The following IGSF6 variants were observed in gnomAD, a reference collection of about 807,000 sequenced individuals.
IGSF6 encodes the protein down-regulated by activation (immunoglobulin superfamily).
A neutral mutation model predicts 24.7 loss-of-function variants in IGSF6; 23 were observed. The observed-to-expected ratio is 0.93, with a 90% CI of 0.67 to 1.32. The LOEUF (loss-of-function observed/expected upper bound fraction) is 1.32, where lower values mean the gene tolerates loss of function less well. Ranked by LOEUF, IGSF6 falls within the 40% of genes most tolerant of loss-of-function variation. The pLI, the probability that IGSF6 is intolerant of heterozygous loss-of-function variation, is 0.00. For synonymous variants in IGSF6, 110 were observed against 113.7 expected (o/e 0.97, Z 0.21); for missense variants, 295 against 293.6 (o/e 1.00, Z -0.04).
intron 1 of IGSF6, among the ~76,000 whole-genome samples, chr16:21,651,154 C>T (rs1393074059): frequency 4.6e-5 from 7 of 151,988 alleles, no homozygotes; most frequent in African/African-American, 1.4e-4. Flanking sequence ...ACCCGGGAGG[C>T]GGAGCTTGCA....
Position 21,643,989 on chromosome 16 carries a change from A to G in IGSF6, c.534+301T>C, listed in dbSNP as rs192477990. Among the ~76,000 whole-genome samples the G allele has an allele frequency of 2.7e-3, 406 of 152,202 alleles. 3 individuals are homozygous for G. The highest frequency in any genetic ancestry group is 4.3e-3 in the Non-Finnish European group (293 of 68,008). On this transcript the variant is annotated intron_variant, in intron 3 of 5. Transcript: ENST00000268389. ...GTAATATCTCGCCCTCCACCTGCCCACACCTCACCCCTACAGCAGAAAGAT... is the reference window on the plus strand; with the variant it reads ...GTAATATCTCGCCCTCCACCTGCCCGCACCTCACCCCTACAGCAGAAAGAT...
chr16:21,644,405 C>CA lies in IGSF6; in HGVS notation c.428-10dup, dbSNP rs1276256184. The CA allele has an allele frequency of 1.9e-6, 3 of 1,587,046 alleles. No individual in the cohort carries two copies. Among genetic ancestry groups the CA allele is most frequent in the Non-Finnish European group, 1.7e-6 (2 of 1,155,970 alleles). On this transcript the variant is annotated splice_polypyrimidine_tract_variant and intron_variant, in intron 2 of 5. Coordinates refer to ENST00000268389, the MANE Select transcript of IGSF6 (RefSeq NM_005849.4). ...GCTGAGCAGCTTAATTTCTTAATGA[C>CA]AAAAACAGAAAGAAGCACATTGACT...
Position 21,647,566 on chromosome 16 carries a change from AG to A in IGSF6, c.68-75del, listed in dbSNP as rs888573688. On this transcript the variant is annotated intron_variant, in intron 1 of 5. Coordinates refer to ENST00000268389, the MANE Select transcript of IGSF6 (RefSeq NM_005849.4). ...TGTGCTTTTATTATATTTTTGAGGT[AG>A]GAAACCCAGCCATTCTGTTATTTTT... 3.3e-6 allele frequency: 5 copies of A among 1,512,630 alleles called. No individual in the cohort carries two copies. The African/African-American group carries it at 4.2e-5, about 13-fold the overall frequency. The allele number at this position is 1,512,630 out of a possible 1,614,324, so 93.7% of individuals were successfully genotyped here.
chr16:21,651,121 G>A (rs1003762079), intron 1 of IGSF6, among the ~76,000 whole-genome samples: 5 of 152,134 alleles, frequency 3.3e-5, no homozygotes, highest in African/African-American at 1.2e-4. Context: ...TACTCGGGAG[G>A]CTGAGGCAGG....
rs1210455639 is a variant in IGSF6 at position 21,647,381 on chromosome 16, G to A, written c.179C>T (p.Ser60Phe). The A allele has an allele frequency of 6.2e-7, 1 of 1,614,174 alleles. No homozygotes were observed. The highest frequency in any genetic ancestry group is 8.5e-7 in the Non-Finnish European group (1 of 1,180,036). ...AAACCACAGGCATGTTGGTTGCTCA[G>A]AAGGGCATCCGGTTGCGGAGAAGGT... is the stretch of plus-strand genomic sequence containing the variant. ...KCTFSATGCPSEQPTCLWFRY... is the reference protein window; with the variant it reads ...KCTFSATGCPFEQPTCLWFRY... The change falls in exon 2 of 6, where the codon TCT (serine) becomes TTT (phenylalanine). Residue 60 changes from serine (S) to phenylalanine (F), a missense_variant. Ser to Phe is a radical substitution (Grantham distance 155, BLOSUM62 -2). Coordinates refer to ENST00000268389, the MANE Select transcript of IGSF6 (RefSeq NM_005849.4).
chr16:21,646,580 A>G (rs907318027), intron 2 of IGSF6: 2 of 187,456 alleles, frequency 1.1e-5, no homozygotes, highest in African/African-American at 4.7e-5. Flanking sequence ...TTGGTTAAAC[A>G]TCACCATGTA....
At chr16:21,651,648 C>T (rs1252375678) in intron 1 of IGSF6, among the ~76,000 whole-genome samples, 2 of 152,118 alleles carry the variant, frequency 1.3e-5, no homozygotes, top group Non-Finnish European at 2.9e-5. Flanking sequence ...ATCAAAGTAG[C>T]GAAGTAGTAC....
chr16:21,645,375 C>T (rs1005990469), intron 2 of IGSF6, among the ~76,000 whole-genome samples: 1 of 152,148 alleles, frequency 6.6e-6, no homozygotes, highest in African/African-American at 2.4e-5. Flanking sequence ...ATCGCTTGAA[C>T]CCGGAAGGTG....
chr16:21,650,959 C>T (rs544397693), intron 1 of IGSF6, among the ~76,000 whole-genome samples: 25 of 152,324 alleles, frequency 1.6e-4, no homozygotes, highest in African/African-American at 5.3e-4. Flanking sequence ...CATGGTGGCT[C>T]ATGCCTGTAA....
intron 3 of IGSF6, among the ~76,000 whole-genome samples, 163 bp from the exon 4 acceptor site, chr16:21,643,761 A>G (rs1966341603): frequency 1.3e-5 from 2 of 152,186 alleles, no homozygotes. Context: ...TCCATTAAAA[A>G]CTAATTGAAC....
At chr16:21,648,288 C>T (rs1262147626) in intron 1 of IGSF6, among the ~76,000 whole-genome samples, 1 of 152,108 alleles carries the variant, frequency 6.6e-6, no homozygotes, top group African/African-American at 2.4e-5. Flanking sequence ...CTGCCTGTTC[C>T]CAGCATTATA....
intron 1 of IGSF6, among the ~76,000 whole-genome samples, chr16:21,651,593 G>A (rs1026229823): frequency 6.6e-6 from 1 of 151,984 alleles, no homozygotes; most frequent in African/African-American, 2.4e-5. Flanking sequence ...GAACCACCAC[G>A]CCCAGCCCAA....
At chr16:21,646,884 G>A (rs964205476) in intron 2 of IGSF6, 1 of 481,592 alleles carries the variant, frequency 2.1e-6, no homozygotes, top group Admixed American at 3.2e-5. Context: ...TTGAACTCCT[G>A]ACCTCAAGTG....
intron 2 of IGSF6, among the ~76,000 whole-genome samples, chr16:21,645,685 G>C (rs1966403936): frequency 6.6e-6 from 1 of 152,162 alleles, no homozygotes; most frequent in African/African-American, 2.4e-5. Flanking sequence ...AAGCCTTGCA[G>C]CTTTGAGACC....
intron 4 of IGSF6, 88 bp from the exon 5 acceptor site, chr16:21,643,242 G>A (rs935045609): frequency 8.1e-6 from 8 of 989,634 alleles, no homozygotes; most frequent in Non-Finnish European, 1.3e-5. Flanking sequence ...TTGCTCTATT[G>A]CCACCGGTCC....
chr16:21,642,081 A>G (rs1035044201), intron 5 of IGSF6: 11 of 152,450 alleles, frequency 7.2e-5, no homozygotes, highest in Admixed American at 7.2e-4. Flanking sequence ...ACATACACTA[A>G]AATTGGAACA....
rs767737906 is a variant in IGSF6, at chr16:21,644,346, A to T, written c.478T>A (p.Ser160Thr). 1.5e-5 allele frequency: 25 copies of T among 1,614,112 alleles called. 2 individuals are homozygous for T. The South Asian group carries it at 1.9e-4, about 12-fold the overall frequency. The change falls in exon 3 of 6, where the codon TCA (serine) becomes ACA (threonine). Residue 160 changes from serine (S) to threonine (T), a missense_variant. Coordinates refer to ENST00000268389, the MANE Select transcript of IGSF6 (RefSeq NM_005849.4). ...ELRSFLTALVSLLSVYVTGVC... is the reference protein window; with the variant it reads ...ELRSFLTALVTLLSVYVTGVC... ...CCGGTCACATAGACAGAGAGCAGTG[A>T]TACAAGAGCTGTCAGGAAGCTCCGC...
At position 21,639,602 on chromosome 16, in the gene IGSF6, C is replaced by T. The variant is rs1230412065; in HGVS notation, c.*1932G>A. 6.6e-6 allele frequency: 1 copy of T among 152,112 alleles called. No individual in the cohort carries two copies. The highest frequency in any genetic ancestry group is 1.9e-4 in the East Asian group (1 of 5,192). 9.4% of individuals were successfully genotyped at this position (152,112 alleles called of 1,614,324 possible). Reference sequence around the variant, plus strand: ...TTAGCATTTTTTATTTATATTGCTGCTTATGCCATTGTTTAATTTGTTTTT... The same window carrying T: ...TTAGCATTTTTTATTTATATTGCTGTTTATGCCATTGTTTAATTTGTTTTT... On this transcript the variant is annotated 3_prime_UTR_variant, in exon 6 of 6. Transcript: ENST00000268389.
intron 5 of IGSF6, among the ~76,000 whole-genome samples, 161 bp from the exon 6 acceptor site, chr16:21,641,754 A>C (rs370810326): frequency 1.3e-5 from 2 of 152,102 alleles, no homozygotes; most frequent in Non-Finnish European, 2.9e-5. Context: ...ATCCGTATTT[A>C]GAGTAGGATG....
Sources: gnomAD v4.1 joint callset for allele counts (sites outside exome capture counted in the v4.1 genomes callset) on GRCh38, gnomAD v4.1.1 for gene constraint, MANE v1.5 for transcripts, NCBI Gene and HGNC (gene_info 2026-07-23, HGNC 2026-07-21) for gene names.